LRP1B: variants seen among roughly 807,000 people sequenced by gnomAD.
LRP1B encodes the protein LDL receptor related protein 1B.
A neutral mutation model predicts 556.6 loss-of-function variants in LRP1B; 217 were observed. That is an observed-to-expected ratio of 0.39 (90% CI 0.35 to 0.44). LRP1B has a LOEUF of 0.44. LRP1B is among the 20% of genes least tolerant of loss of function. The probability of loss-of-function intolerance (pLI) is 1.00; values close to 1 mark genes in which losing one functional copy is unlikely to be tolerated. For missense variants in LRP1B, 5,053 were observed against 5,620.8 expected (o/e 0.90, Z 3.23); for synonymous variants, 2,047 against 1,865.8 (o/e 1.10, Z -2.50).
In LRP1B at chr2:141,628,132, C is replaced by T. The variant is rs181871409; in HGVS notation, c.206-147599G>A. The stretch of plus-strand genomic sequence containing the variant: ...GGGACCCTGTGATTTGCTGTACTTA[C>T]AAATCTTCACCTAAACTTGACATTA... On this transcript the variant is annotated intron_variant, in intron 2 of 90. Transcript: ENST00000389484. 1.5e-3 allele frequency among the ~76,000 whole-genome samples: 236 copies of T among 152,282 alleles called. 1 individual carries two copies. Among genetic ancestry groups the T allele is most frequent in the Non-Finnish European group, 2.7e-3 (185 of 68,040 alleles).
At chr2:141,107,869 A>G (rs1243245818) in intron 7 of LRP1B, among the ~76,000 whole-genome samples, 1 of 152,120 alleles carries the variant, frequency 6.6e-6, no homozygotes, top group Non-Finnish European at 1.5e-5. Flanking sequence ...AAACACTATT[A>G]TTTCTCAACG....
intron 31 of LRP1B, among the ~76,000 whole-genome samples, chr2:140,838,494 T>C (rs1691991320): frequency 6.6e-6 from 1 of 152,166 alleles, no homozygotes; most frequent in African/African-American, 2.4e-5. Flanking sequence ...GTTTATTCTA[T>C]AGACCACATG....
chr2:141,992,145 G>A (rs1255590008), intron 1 of LRP1B, among the ~76,000 whole-genome samples: 1 of 151,962 alleles, frequency 6.6e-6, no homozygotes, highest in African/African-American at 2.4e-5. Context: ...GTTTTCATTT[G>A]TATTTTTTAA....
chr2:142,088,619 TG>T (rs1706039696), intron 1 of LRP1B, among the ~76,000 whole-genome samples: 1 of 152,148 alleles, frequency 6.6e-6, no homozygotes, highest in South Asian at 2.1e-4. Context: ...AATAATGCTT[TG>T]TTAACATTAT....
At chr2:140,903,293 C>T (rs559528846) in intron 22 of LRP1B, 128 bp from the exon 23 acceptor site, 1 of 1,100,284 alleles carries the variant, frequency 9.1e-7, no homozygotes, top group East Asian at 2.6e-5. Context: ...AGAAAGCCCT[C>T]TTTGGCTTAT....
chr2:140,313,893 AT>A (rs1254025206), intron 83 of LRP1B, among the ~76,000 whole-genome samples: 1 of 151,946 alleles, frequency 6.6e-6, no homozygotes, highest in East Asian at 1.9e-4. Context: ...TCAGAATGCT[AT>A]TAAGTAATTA....
intron 2 of LRP1B, among the ~76,000 whole-genome samples, chr2:141,751,415 G>A (rs189723634): frequency 2.0e-5 from 3 of 152,192 alleles, no homozygotes; most frequent in Non-Finnish European, 2.9e-5. Context: ...TTTTGGATCA[G>A]TGAAGTCAGA....
intron 35 of LRP1B, among the ~76,000 whole-genome samples, chr2:140,724,046 A>C (rs561410304): frequency 5.1e-4 from 77 of 152,332 alleles, no homozygotes; most frequent in Non-Finnish European, 8.2e-4. Context: ...GAGGTCAGGG[A>C]AGATGAGAAT....
At chr2:141,939,586 T>A (rs1700735728) in intron 1 of LRP1B, among the ~76,000 whole-genome samples, 1 of 152,140 alleles carries the variant, frequency 6.6e-6, no homozygotes, top group Non-Finnish European at 1.5e-5. Flanking sequence ...TAAATTATAC[T>A]AAAACCAAAG....
intron 66 of LRP1B, among the ~76,000 whole-genome samples, chr2:140,436,742 T>C (rs1480325922): frequency 6.6e-6 from 1 of 151,776 alleles, no homozygotes; most frequent in East Asian, 1.9e-4. Flanking sequence ...TCCTGTGATA[T>C]TGTGAAAAGA....
chr2:141,162,808 T>C (rs2105116759), intron 7 of LRP1B, among the ~76,000 whole-genome samples: 1 of 152,250 alleles, frequency 6.6e-6, no homozygotes, highest in South Asian at 2.1e-4. Flanking sequence ...ATTAACAATG[T>C]ATATAATATC....
intron 2 of LRP1B, among the ~76,000 whole-genome samples, chr2:141,776,279 A>G (rs1206212982): frequency 6.6e-6 from 1 of 152,172 alleles, no homozygotes; most frequent in Non-Finnish European, 1.5e-5. Context: ...GTTGACTGAA[A>G]GAACTCTGGA....
chr2:141,667,109 T>C (rs355540), intron 2 of LRP1B, among the ~76,000 whole-genome samples: 10,856 of 152,224 alleles, frequency 0.071, 545 homozygotes, highest in African/African-American at 0.13. Context: ...CATATTCTCC[T>C]GTATGTTTCT....
At chr2:141,530,080 C>CTGATTACTTGGATTTG (rs1684819833) in intron 2 of LRP1B, among the ~76,000 whole-genome samples, 1 of 152,084 alleles carries the variant, frequency 6.6e-6, no homozygotes. Context: ...TAATAGCAAT[C>CTGATTACTTGGATTTG]TGATTACTTG....
Position 140,840,016 on chromosome 2 carries a change from C to G in LRP1B, c.5184G>C (p.Leu1728=), listed in dbSNP as rs140962883. 3 of 1,610,542 alleles carry G rather than the reference C, an allele frequency of 1.9e-6. No individual in the cohort carries two copies. The highest frequency in any genetic ancestry group is 2.5e-6 in the Non-Finnish European group (3 of 1,179,028). Residue 1728 remains leucine (L), a synonymous_variant, in exon 31 of 91, where the codon CTG becomes CTC. Transcript: ENST00000389484. ...CAACTGGCTCCTTCTGATTCTGAAA[C>G]AGAATCTTGCTATTACTGCCATCCA... ...ANMDGSNSKI[L]FQNQKEPVGL...
intron 21 of LRP1B, among the ~76,000 whole-genome samples, chr2:140,910,174 A>T (rs1336185878): frequency 6.6e-6 from 1 of 151,534 alleles, no homozygotes; most frequent in African/African-American, 2.4e-5. Flanking sequence ...AATTTAATGT[A>T]ATAGTAGTTA....
chr2:140,595,503 A>G (rs561135550), intron 43 of LRP1B, among the ~76,000 whole-genome samples: 1 of 152,238 alleles, frequency 6.6e-6, no homozygotes, highest in South Asian at 2.1e-4. Context: ...TTAATTCCAT[A>G]TCATTAATTA....
intron 43 of LRP1B, among the ~76,000 whole-genome samples, chr2:140,577,070 CAA>C (rs1395341372): frequency 1.3e-5 from 2 of 152,064 alleles, no homozygotes; most frequent in Non-Finnish European, 2.9e-5. Flanking sequence ...CATTACCACA[CAA>C]ATTCAGTCCA....
chr2:141,107,059 T>C (rs752160563), intron 7 of LRP1B, among the ~76,000 whole-genome samples: 35 of 152,184 alleles, frequency 2.3e-4, no homozygotes, highest in Non-Finnish European at 4.1e-4. Context: ...CTACTTTTTC[T>C]TTTAAATTGT....
Sources: allele counts gnomAD v4.1 joint callset (sites outside exome capture counted in the v4.1 genomes callset), GRCh38; gene constraint gnomAD v4.1.1; transcripts MANE v1.5; gene names NCBI Gene and HGNC (gene_info 2026-07-23, HGNC 2026-07-21).